FGR: variants seen among roughly 807,000 people sequenced by gnomAD.
FGR encodes FGR proto-oncogene, Src family tyrosine kinase.
Under a neutral mutation model 63.2 loss-of-function variants are expected in FGR, and 26 were observed. The ratio of observed to expected loss-of-function variants is 0.41; its 90% CI spans 0.30 to 0.57. The LOEUF is 0.57. Ranked by LOEUF, FGR falls within the 20% of genes least tolerant of loss-of-function variation. FGR has a pLI of 0.27. For synonymous variants in FGR, 286 were observed against 277.7 expected, an observed-to-expected ratio of 1.03 and a Z score of -0.30; for missense variants, 511 against 690.8, an observed-to-expected ratio of 0.74 and a Z score of 2.92.
At position 27,614,508 on chromosome 1, in the gene FGR, C is replaced by T. The variant is rs138858537; in HGVS notation, c.1171G>A (p.Gly391Arg). 4 of 1,613,882 alleles carry T rather than the reference C, an allele frequency of 2.5e-6. No homozygotes were observed. In the African/African-American group the frequency reaches 5.3e-5, roughly 22 times the overall value. ...GCGATCTTGCACGCCAGCCGCTCCC[C>T]AACCAGGATGTTGGCTGCCCTCAGG... is the stretch of plus-strand genomic sequence containing the variant. Reference protein sequence around the residue: ...RDLRAANILVGERLACKIADF... With the variant: ...RDLRAANILVRERLACKIADF... The change falls in exon 11 of 13, where the codon GGG becomes AGG. Residue 391 changes from glycine to arginine, a missense_variant. Gly to Arg is a moderately radical substitution (Grantham distance 125, BLOSUM62 -2). Transcript: ENST00000374005.
At chr1:27,614,655 G>C in intron 10 of FGR, 72 bp from the exon 11 acceptor site, 1 of 1,557,390 alleles carries the variant, frequency 6.4e-7, no homozygotes. Flanking sequence ...TGAGGGGTGA[G>C]GGACCATTTG....
At chr1:27,628,171 CAA>C (rs1371903594) in intron 1 of FGR, among the ~76,000 whole-genome samples, 2 of 86,378 alleles carry the variant, frequency 2.3e-5, no homozygotes, top group African/African-American at 4.0e-5. Flanking sequence ...AGCTCTGTCT[CAA>C]AAAAAAAAAA....
At chr1:27,624,044 C>T (rs1216939872) in intron 2 of FGR, 115 bp from the exon 3 acceptor site, 2 of 871,284 alleles carry the variant, frequency 2.3e-6, no homozygotes, top group Admixed American at 5.7e-5. Flanking sequence ...CCCTCTTGGG[C>T]CTAGATTGGG....
chr1:27,614,720 C>CTCTT, intron 10 of FGR, 130 bp downstream of exon 10: 1 of 1,341,446 alleles, frequency 7.5e-7, no homozygotes, highest in Non-Finnish European at 1.0e-6. Context: ...GGCAGTACCT[C>CTCTT]TCAGGCACAG....
chr1:27,630,397 T>A (rs2090089384), intron 1 of FGR, among the ~76,000 whole-genome samples: 1 of 152,146 alleles, frequency 6.6e-6, no homozygotes, highest in African/African-American at 2.4e-5. Context: ...TTAGTGTTAG[T>A]GTATTTTATG....
chr1:27,614,497 C>T lies in FGR; in HGVS notation c.1182G>A (p.Leu394=). The change falls in exon 11 of 13, where the codon CTG becomes CTA. Residue 394 remains leucine, a synonymous_variant. Transcript: ENST00000374005. The part of the protein sequence containing the change: ...RAANILVGER[L]ACKIADFGLA... ...AGCCAAAGTCTGCGATCTTGCACGC[C>T]AGCCGCTCCCCAACCAGGATGTTGG... The T allele has an allele frequency of 6.2e-7, 1 of 1,613,954 alleles. No individual in the cohort carries two copies.
chr1:27,617,602 C>CTCT lies in FGR; in HGVS notation c.429-307_429-306insAGA, dbSNP rs1178045904. Among the ~76,000 whole-genome samples the CTCT allele has an allele frequency of 6.6e-6, 1 of 152,194 alleles. No individual in the cohort carries two copies. The highest frequency in any genetic ancestry group is 1.5e-5 in the Non-Finnish European group (1 of 68,034). On this transcript the variant is annotated intron_variant, in intron 5 of 12. Coordinates refer to ENST00000374005, the MANE Select transcript of FGR (RefSeq NM_005248.3). The surrounding 1 kb of genome is among the most constrained non-coding windows in gnomAD (Gnocchi z 4.5). Reference sequence around the variant, plus strand: ...CATCTCACTGTAGCCCTTCTGTGCACTCATTTTACAGATGAGGAAGTTGAG... The same window carrying CTCT: ...CATCTCACTGTAGCCCTTCTGTGCACTCTTCATTTTACAGATGAGGAAGTTGAG...
intron 1 of FGR, among the ~76,000 whole-genome samples, chr1:27,632,142 T>TC (rs1330466116): frequency 5.1e-5 from 7 of 137,500 alleles, no homozygotes; most frequent in African/African-American, 1.6e-4. Flanking sequence ...TTCTTCTTCT[T>TC]TTTTTTTTTT....
chr1:27,634,931 G>C (rs1292351863), intron 1 of FGR, 134 bp downstream of exon 1: 1 of 152,480 alleles, frequency 6.6e-6, no homozygotes, highest in African/African-American at 2.4e-5. Context: ...CCCTTTGGCT[G>C]TCACCTTGCT....
At chr1:27,634,406 G>T (rs1012058069) in intron 1 of FGR, among the ~76,000 whole-genome samples, 3 of 152,178 alleles carry the variant, frequency 2.0e-5, no homozygotes, top group African/African-American at 7.2e-5. Flanking sequence ...GTCCCCTGCA[G>T]CCCGGAACCT....
At position 27,627,447 on chromosome 1, in the gene FGR, A is replaced by AAC. The variant is rs3076985; in HGVS notation, c.-76-2298_-76-2297dup. 9.7e-3 allele frequency among the ~76,000 whole-genome samples: 1,439 copies of AAC among 148,470 alleles called. 12 individuals are homozygous for AAC. Among genetic ancestry groups the AAC allele is most frequent in the African/African-American group, 0.027 (1,088 of 40,470 alleles). On this transcript the variant is annotated intron_variant, in intron 1 of 12. Coordinates refer to ENST00000374005, the MANE Select transcript of FGR (RefSeq NM_005248.3). ...CTGCACATAGATGTGCATGCACATGAACACACACACACACACACACACACA... is the reference window on the plus strand; with the variant it reads ...CTGCACATAGATGTGCATGCACATGAACACACACACACACACACACACACACA...
chr1:27,619,751 A>G (rs1478991048), intron 5 of FGR, among the ~76,000 whole-genome samples: 1 of 152,162 alleles, frequency 6.6e-6, no homozygotes, highest in Non-Finnish European at 1.5e-5. Context: ...ACAATCCAAC[A>G]AGTACCCCCT....
At chr1:27,620,801 G>A (rs190620736) in intron 5 of FGR, among the ~76,000 whole-genome samples, 6 of 149,858 alleles carry the variant, frequency 4.0e-5, no homozygotes, top group Admixed American at 1.3e-4. Flanking sequence ...CAAGATGGGC[G>A]GATGGCTTGA....
rs2089999704 is a variant in FGR, at chr1:27,625,158, G to C, written c.-76-7C>G. The stretch of plus-strand genomic sequence containing the variant: ...CTTGGGAGGGGTCAGAGACCTGAGG[G>C]TGAGACAGAAGGACAAGGAAGATGA... On this transcript the variant is annotated splice_region_variant and splice_polypyrimidine_tract_variant and intron_variant, in intron 1 of 12. Coordinates refer to ENST00000374005, the MANE Select transcript of FGR (RefSeq NM_005248.3). 1 of 152,722 alleles carries C rather than the reference G, an allele frequency of 6.5e-6. No homozygotes were observed. The highest frequency in any genetic ancestry group is 2.4e-5 in the African/African-American group (1 of 41,404). 9.5% of individuals were successfully genotyped at this position (152,722 alleles called of 1,614,324 possible). A position where few individuals can be genotyped will look rare whatever the true frequency, so the allele number is the denominator to read the frequency against.
At chr1:27,627,657 G>T (rs1233488963) in intron 1 of FGR, among the ~76,000 whole-genome samples, 2 of 152,082 alleles carry the variant, frequency 1.3e-5, no homozygotes, top group Non-Finnish European at 2.9e-5. Context: ...CACCCAGGCT[G>T]GAGTGCAATG....
rs758448350 is a variant in FGR, at chr1:27,616,902, G to A, written c.637C>T (p.Arg213Trp). ...TCCTGCACCGAGTTGAACTGAACCC[G>A]TGTGGTGATGTAGTAGCCGCCCATG... ...LDMGGYYITT[R>W]VQFNSVQELV... The change falls in exon 7 of 13, where the codon CGG becomes TGG. Residue 213 changes from arginine to tryptophan, a missense_variant. Physicochemically the swap from Arg to Trp is moderately radical, Grantham distance 101. Coordinates refer to ENST00000374005, the MANE Select transcript of FGR (RefSeq NM_005248.3). This position sits in a 1 kb window ranked among gnomAD's most constrained non-coding sequence, Gnocchi z 4.3. 2.6e-5 allele frequency: 42 copies of A among 1,614,072 alleles called. No individual in the cohort carries two copies. The highest frequency in any genetic ancestry group is 4.4e-5 in the South Asian group (4 of 91,082).
chr1:27,628,117 G>A (rs1451065324), intron 1 of FGR, among the ~76,000 whole-genome samples: 4 of 151,424 alleles, frequency 2.6e-5, no homozygotes, highest in South Asian at 2.1e-4. Flanking sequence ...GGCCAGGCAC[G>A]GTGGCTTACG....
chr1:27,615,768 C>A lies in FGR; in HGVS notation c.759G>T (p.Lys253Asn). Residue 253 changes from lysine (K) to asparagine (N), a missense_variant, in exon 8 of 13, where the codon AAG (lysine) becomes AAT (asparagine). Lys to Asn is a moderately conservative substitution (Grantham distance 94). Coordinates refer to ENST00000374005, the MANE Select transcript of FGR (RefSeq NM_005248.3). The surrounding 1 kb of genome is among the most constrained non-coding windows in gnomAD (Gnocchi z 7.6). The stretch of plus-strand genomic sequence containing the variant: ...AGCTGCGGCTGATCTCCCAGGCGTC[C>A]TTGGCCAGGCCCAGCGTCTGCGGCT... ...IMKPQTLGLA[K>N]DAWEISRSSI... 6.2e-7 allele frequency: 1 copy of A among 1,604,198 alleles called. No homozygotes were observed. Among genetic ancestry groups the A allele is most frequent in the Non-Finnish European group, 8.5e-7 (1 of 1,175,548 alleles).
chr1:27,617,411 G>A lies in FGR; in HGVS notation c.429-115C>T. ...TTTTCCCCATGTGTAAAATGGGGCT[G>A]GTACACCTGCTTCACATCCTGGCTG... On this transcript the variant is annotated intron_variant, in intron 5 of 12. Transcript: ENST00000374005. The surrounding 1 kb of genome is among the most constrained non-coding windows in gnomAD (Gnocchi z 4.5). 1 of 713,374 alleles carries A rather than the reference G, an allele frequency of 1.4e-6. No homozygotes were observed. The highest frequency in any genetic ancestry group is 2.6e-5 in the East Asian group (1 of 38,020). 44.2% of individuals were successfully genotyped at this position (713,374 alleles called of 1,614,324 possible). A position where few individuals can be genotyped will look rare whatever the true frequency, so the allele number is the denominator to read the frequency against.
Sources: allele counts gnomAD v4.1 joint callset (sites outside exome capture counted in the v4.1 genomes callset), GRCh38; gene constraint gnomAD v4.1.1; non-coding constraint Gnocchi (gnomAD v3.1); transcripts MANE v1.5; gene names NCBI Gene and HGNC (gene_info 2026-07-23, HGNC 2026-07-21).